Variants in NIPA2 observed in about 807,000 individuals in gnomAD.
NIPA2 encodes the protein magnesium transporter NIPA2.
A neutral mutation model predicts 29.7 loss-of-function variants in NIPA2; 11 were observed. The ratio of observed to expected loss-of-function variants is 0.37; its 90% CI spans 0.23 to 0.61. NIPA2 has a LOEUF of 0.61. NIPA2 is among the 20% of genes least tolerant of loss of function. The probability of loss-of-function intolerance (pLI) is 0.66; values close to 1 mark genes in which losing one functional copy is unlikely to be tolerated. For missense variants in NIPA2, 426 were observed against 437.9 expected, an observed-to-expected ratio of 0.97 and a Z score of 0.24; for synonymous variants, 183 against 161.9, an observed-to-expected ratio of 1.13 and a Z score of -0.99.
At chr15:22,850,516 T>C (rs2057654467) in intron 3 of NIPA2, among the ~76,000 whole-genome samples, 1 of 152,208 alleles carries the variant, frequency 6.6e-6, no homozygotes, top group Non-Finnish European at 1.5e-5. Flanking sequence ...GGGAGTAATA[T>C]CAACTCAGTG....
chr15:22,843,183 C>T (rs561487040), intron 2 of NIPA2, among the ~76,000 whole-genome samples: 1 of 152,142 alleles, frequency 6.6e-6, no homozygotes, highest in African/African-American at 2.4e-5. Context: ...GCTTCTGCTA[C>T]CTCAGCTGTG....
rs778995062 is a variant in NIPA2, at chr15:22,866,898, T to TATC, written c.*56_*58dup. 11 of 1,459,374 alleles carry TATC rather than the reference T, an allele frequency of 7.5e-6. No individual in the cohort carries two copies. The highest frequency in any genetic ancestry group is 7.1e-5 in the African/African-American group (5 of 70,884). The allele number at this position is 1,459,374 out of a possible 1,614,324, so 90.4% of individuals were successfully genotyped here. On this transcript the variant is annotated 3_prime_UTR_variant, in exon 8 of 8. Transcript: ENST00000337451. ...GTGATTGTTATGAAGTGAATTTGAA[T>TATC]ATCATCAGAATGTGTCTGAAAAAAC...
At position 22,851,868 on chromosome 15, in the gene NIPA2, C is replaced by G; in HGVS notation, c.137C>G (p.Ala46Gly). 1 of 1,612,746 alleles carries G rather than the reference C, an allele frequency of 6.2e-7. No homozygotes were observed. Among genetic ancestry groups the G allele is most frequent in the Non-Finnish European group, 8.5e-7 (1 of 1,179,420 alleles). Reference protein sequence around the residue: ...LRLARKGSMRAGQGGHAYLKE... With the variant: ...LRLARKGSMRGGQGGHAYLKE... ...CTTGCCAGGAAAGGCTCTATGAGAG[C>G]AGGTAGGTTATGCCTTATGTGACTT... The change falls in exon 4 of 8, where the codon GCA becomes GGA. Residue 46 changes from alanine to glycine, a missense_variant and splice_region_variant. Around this residue, in one of 3 missense-constraint regions of NIPA2, gnomAD observed 57 missense variants for 66.6 expected, o/e 0.86. Transcript: ENST00000337451.
intron 1 of NIPA2, 99 bp from the exon 2 acceptor site, chr15:22,839,556 A>G (rs1459047059): frequency 6.6e-6 from 1 of 152,172 alleles, no homozygotes; most frequent in Non-Finnish European, 1.5e-5. Flanking sequence ...TTTTATGTTG[A>G]TTGGTTGGCA....
chr15:22,861,903 T>G (rs373914259), intron 7 of NIPA2, among the ~76,000 whole-genome samples: 1 of 151,794 alleles, frequency 6.6e-6, no homozygotes, highest in Non-Finnish European at 1.5e-5. Flanking sequence ...CCTGGCTAAT[T>G]TTTTTTGTTT....
intron 1 of NIPA2, among the ~76,000 whole-genome samples, chr15:22,839,369 T>C (rs1896396419): frequency 6.6e-6 from 1 of 152,222 alleles, no homozygotes; most frequent in South Asian, 2.1e-4. Flanking sequence ...CTTAATTTCT[T>C]TTCTAGGTTG....
At chr15:22,846,595 T>A (rs909814228) in intron 3 of NIPA2, among the ~76,000 whole-genome samples, 8 of 152,002 alleles carry the variant, frequency 5.3e-5, no homozygotes, top group African/African-American at 1.9e-4. Context: ...GGCAGATCGC[T>A]TGAGCTCAGG....
At chr15:22,861,056 C>G (rs944921042) in intron 7 of NIPA2, among the ~76,000 whole-genome samples, 1 of 152,130 alleles carries the variant, frequency 6.6e-6, no homozygotes, top group Admixed American at 6.6e-5. Context: ...ATTTACTGTA[C>G]CTATATAGTT....
At chr15:22,853,328 T>C in intron 5 of NIPA2, 60 bp downstream of exon 5, 1 of 1,081,600 alleles carries the variant, frequency 9.2e-7, no homozygotes, top group Admixed American at 1.8e-5. Context: ...TATTTGCATA[T>C]GGTATTATAG....
rs368463402 is a variant in NIPA2, at chr15:22,842,649, C to T, written c.-215-2497C>T. Among the ~76,000 whole-genome samples, 5 of 151,936 alleles carry T rather than the reference C, an allele frequency of 3.3e-5. No homozygotes were observed. In the Middle Eastern group the frequency reaches 0.01, roughly 310 times the overall value. Reference sequence around the variant, plus strand: ...TTCAAGACCAGCCTGACCAACATGGCGAAACCCCATCTCTACTAAAAATAC... The same window carrying T: ...TTCAAGACCAGCCTGACCAACATGGTGAAACCCCATCTCTACTAAAAATAC... On this transcript the variant is annotated intron_variant, in intron 2 of 7. Transcript: ENST00000337451.
rs1402106352 is a variant in NIPA2, at chr15:22,868,301, T to TAA, written c.*1457_*1458dup. ...TGTACCTACATCTGTGCTTTGTACATAAAAGAACCAGTTTTCTCCCCCTTG... is the reference window on the plus strand; with the variant it reads ...TGTACCTACATCTGTGCTTTGTACATAAAAAAGAACCAGTTTTCTCCCCCTTG... On this transcript the variant is annotated 3_prime_UTR_variant, in exon 8 of 8. Transcript: ENST00000337451. 6.6e-6 allele frequency: 1 copy of TAA among 152,224 alleles called. No homozygotes were observed. Among genetic ancestry groups the TAA allele is most frequent in the Non-Finnish European group, 1.5e-5 (1 of 68,042 alleles). The allele number at this position is 152,224 out of a possible 1,614,324, so 9.4% of individuals were successfully genotyped here.
At chr15:22,856,715 A>T (rs781398526) in intron 5 of NIPA2, among the ~76,000 whole-genome samples, 3 of 152,212 alleles carry the variant, frequency 2.0e-5, no homozygotes, top group Admixed American at 6.5e-5. Context: ...AAAAGATTTC[A>T]TAGGGTTAAT....
At position 22,866,768 on chromosome 15, in the gene NIPA2, A is replaced by ATG. The variant is rs1555390277; in HGVS notation, c.1004_1005insTG (p.Glu335AspfsTer5). On this transcript the variant is annotated frameshift_variant, in exon 8 of 8. Transcript: ENST00000337451. LOFTEE classifies it high-confidence loss of function. Reference sequence around the variant, plus strand: ...ATGTATGAAGTTCTTAATAATAATGAAGAAAGCTTAACCTGTGGAATCGAA... The same window carrying ATG: ...ATGTATGAAGTTCTTAATAATAATGATGAGAAAGCTTAACCTGTGGAATCGAA... 7.4e-6 allele frequency: 12 copies of ATG among 1,613,832 alleles called. No homozygotes were observed. Among genetic ancestry groups the ATG allele is most frequent in the Middle Eastern group, 1.7e-4 (1 of 6,058 alleles).
At chr15:22,854,305 T>C (rs1363468956) in intron 5 of NIPA2, among the ~76,000 whole-genome samples, 1 of 151,442 alleles carries the variant, frequency 6.6e-6, no homozygotes. Context: ...TTTTGTATTT[T>C]TAGTAGGGAA....
At chr15:22,858,891 A>G (rs767382192) in intron 6 of NIPA2, among the ~76,000 whole-genome samples, 7 of 152,210 alleles carry the variant, frequency 4.6e-5, no homozygotes, top group East Asian at 3.9e-4. Context: ...TTAATATTCA[A>G]AGTTGGCTGG....
intron 4 of NIPA2, among the ~76,000 whole-genome samples, 178 bp from the exon 5 acceptor site, chr15:22,853,034 G>A (rs1035139085): frequency 6.6e-6 from 1 of 152,132 alleles, no homozygotes; most frequent in African/African-American, 2.4e-5. Flanking sequence ...GCTTGTAAAG[G>A]ATTCATTCAC....
chr15:22,858,960 C>A (rs1376285518), intron 6 of NIPA2, among the ~76,000 whole-genome samples: 2 of 152,100 alleles, frequency 1.3e-5, no homozygotes, highest in East Asian at 3.9e-4. Context: ...GGTGGATCAC[C>A]TGAGGTCAGA....
At chr15:22,839,968 C>T (rs1307618241) in intron 2 of NIPA2, among the ~76,000 whole-genome samples, 178 bp downstream of exon 2, 1 of 152,098 alleles carries the variant, frequency 6.6e-6, no homozygotes, top group Non-Finnish European at 1.5e-5. Context: ...TGCTCTGTCC[C>T]CAGGCTAGAC....
In NIPA2 at chr15:22,860,620, C is replaced by A; in HGVS notation, c.288-9C>A. On this transcript the variant is annotated splice_polypyrimidine_tract_variant and intron_variant, in intron 6 of 7. Coordinates refer to ENST00000337451, the MANE Select transcript of NIPA2 (RefSeq NM_030922.7). ...TAAAGTTCTCAATTTTTTTTCCTCC[C>A]CATTTTAGTGCCATTCTTTCTTCAT... 2 of 1,526,384 alleles carry A rather than the reference C, an allele frequency of 1.3e-6. No homozygotes were observed. Among genetic ancestry groups the A allele is most frequent in the Non-Finnish European group, 1.8e-6 (2 of 1,141,006 alleles). 94.6% of individuals were successfully genotyped at this position (1,526,384 alleles called of 1,614,324 possible). A position where few individuals can be genotyped will look rare whatever the true frequency, so the allele number is the denominator to read the frequency against.
Sources: gnomAD v4.1 joint callset for allele counts (sites outside exome capture counted in the v4.1 genomes callset) on GRCh38, gnomAD v4.1.1 for gene constraint, gnomAD v4.1.1 regional missense constraint, MANE v1.5 for transcripts, NCBI Gene and HGNC (gene_info 2026-07-23, HGNC 2026-07-21) for gene names.